GRM5: variants seen among roughly 807,000 people sequenced by gnomAD.
GRM5 encodes the protein glutamate metabotropic receptor 5, also known as metabotropic glutamate receptor 5.
A neutral mutation model predicts 83.1 loss-of-function variants in GRM5; 19 were observed. The ratio of observed to expected loss-of-function variants is 0.23; its 90% CI spans 0.16 to 0.34. The LOEUF (loss-of-function observed/expected upper bound fraction) is 0.34. GRM5 is among the 10% of genes least tolerant of loss of function. GRM5 has a pLI of 1.00. For missense variants in GRM5, 1,160 were observed against 1,588.3 expected (o/e 0.73, Z 4.58); for synonymous variants, 675 against 633.6 (o/e 1.07, Z -0.98).
intron 3 of GRM5, among the ~76,000 whole-genome samples, chr11:88,737,484 A>G (rs770093378): frequency 2.0e-5 from 3 of 152,054 alleles, no homozygotes; most frequent in African/African-American, 4.8e-5. Flanking sequence ...TTTACAGGTA[A>G]TTTCTTGCTT....
chr11:88,509,703 G>T lies in GRM5; in HGVS notation c.2727-199C>A, dbSNP rs1035410658. Reference sequence around the variant, plus strand: ...CTTTGCTTGTTTTGAGTTAAAGACTGCTTTCTATATCAGGGCTTCAGTTTA... The same window carrying T: ...CTTTGCTTGTTTTGAGTTAAAGACTTCTTTCTATATCAGGGCTTCAGTTTA... On this transcript the variant is annotated intron_variant, in intron 9 of 9. Coordinates refer to ENST00000305447, the MANE Select transcript of GRM5 (RefSeq NM_001143831.3). 3.9e-5 allele frequency among the ~76,000 whole-genome samples: 6 copies of T among 152,216 alleles called. No homozygotes were observed. The East Asian group carries it at 5.8e-4, about 15-fold the overall frequency.
intron 2 of GRM5, among the ~76,000 whole-genome samples, chr11:88,860,711 G>C (rs535218432): frequency 2.0e-5 from 3 of 152,300 alleles, no homozygotes; most frequent in East Asian, 3.9e-4. Context: ...AGGACTTGGT[G>C]TCTAAACAAA....
In GRM5 at chr11:89,065,141, C is replaced by T. The variant is rs189938234; in HGVS notation, c.-201+635G>A. 1.6e-3 allele frequency among the ~76,000 whole-genome samples: 246 copies of T among 151,776 alleles called. 3 individuals carry two copies. Among genetic ancestry groups the T allele is most frequent in the Middle Eastern group, 0.014 (4 of 294 alleles). On this transcript the variant is annotated intron_variant, in intron 1 of 9. Transcript: ENST00000305447. Reference sequence around the variant, plus strand: ...TTAGAAACGGAAACTGACATTTACACCCAGTCGGGTCCCTTCTTTGCTGCC... The same window carrying T: ...TTAGAAACGGAAACTGACATTTACATCCAGTCGGGTCCCTTCTTTGCTGCC...
At position 88,651,240 on chromosome 11, in the gene GRM5, C is replaced by T. The variant is rs146786280; in HGVS notation, c.1147+1928G>A. ...TCCAGGAAATAAAGAGTCAGAGAAA[C>T]AAATAACTATTTTCAAGAGGAGGCA... is the stretch of plus-strand genomic sequence containing the variant. On this transcript the variant is annotated intron_variant, in intron 4 of 9. Transcript: ENST00000305447. Among the ~76,000 whole-genome samples the T allele has an allele frequency of 6.8e-4, 104 of 151,966 alleles. No individual in the cohort carries two copies. In the Middle Eastern group the frequency reaches 0.014, roughly 20 times the overall value.
rs1941190087 is a variant in GRM5 at position 88,506,647 on chromosome 11, C to G, written c.*1945G>C. ...AGGTTCGATTTCTTTTAAATTAATA[C>G]TTTAGTACATTAATGTTAGCTTTTA... On this transcript the variant is annotated 3_prime_UTR_variant, in exon 10 of 10. Coordinates refer to ENST00000305447, the MANE Select transcript of GRM5 (RefSeq NM_001143831.3). 1 of 152,022 alleles carries G rather than the reference C, an allele frequency of 6.6e-6. No individual in the cohort carries two copies. Among genetic ancestry groups the G allele is most frequent in the Admixed American group, 6.6e-5 (1 of 15,266 alleles). The allele number at this position is 152,022 out of a possible 1,614,324, so 9.4% of individuals were successfully genotyped here.
At chr11:88,677,958 A>C (rs924538199) in intron 3 of GRM5, among the ~76,000 whole-genome samples, 2 of 152,298 alleles carry the variant, frequency 1.3e-5, no homozygotes, top group African/African-American at 4.8e-5. Flanking sequence ...AAAATGTTGA[A>C]ATTAATAGAT....
chr11:88,842,242 AG>A (rs1944217273), intron 3 of GRM5, among the ~76,000 whole-genome samples: 3 of 152,092 alleles, frequency 2.0e-5, no homozygotes, highest in Non-Finnish European at 4.4e-5. Context: ...TTTGTGTGTG[AG>A]TTTGTCCAAA....
chr11:88,893,817 G>A (rs1330423447), intron 2 of GRM5, among the ~76,000 whole-genome samples: 4 of 151,986 alleles, frequency 2.6e-5, no homozygotes, highest in Admixed American at 2.0e-4. Flanking sequence ...GCCAGAAAGA[G>A]TCATCATCCA....
At chr11:89,038,677 C>G (rs2135136875) in intron 2 of GRM5, among the ~76,000 whole-genome samples, 1 of 152,248 alleles carries the variant, frequency 6.6e-6, no homozygotes, top group African/African-American at 2.4e-5. Context: ...GATAAAAAGA[C>G]ACAAAAATAT....
At chr11:88,633,795 A>G (rs1043887097) in intron 4 of GRM5, among the ~76,000 whole-genome samples, 1 of 152,196 alleles carries the variant, frequency 6.6e-6, no homozygotes, top group Non-Finnish European at 1.5e-5. Context: ...TGCTGAGATT[A>G]TAAACACGAG....
rs371785884 is a variant in GRM5 at position 89,022,275 on chromosome 11, TC to T, written c.661+24936del. 9.5e-4 allele frequency among the ~76,000 whole-genome samples: 145 copies of T among 152,242 alleles called. 1 individual carries two copies. Among genetic ancestry groups the T allele is most frequent in the African/African-American group, 3.4e-3 (140 of 41,550 alleles). On this transcript the variant is annotated intron_variant, in intron 2 of 9. Transcript: ENST00000305447. Reference sequence around the variant, plus strand: ...TATTTTGATATTATAGAACTTTTACTCCATATTCATCATATACCAACTACTT... The same window carrying T: ...TATTTTGATATTATAGAACTTTTACTCATATTCATCATATACCAACTACTT...
At chr11:88,756,816 A>C (rs1176174997) in intron 3 of GRM5, among the ~76,000 whole-genome samples, 1 of 152,126 alleles carries the variant, frequency 6.6e-6, no homozygotes, top group Non-Finnish European at 1.5e-5. Flanking sequence ...AAGTAGGATA[A>C]CCTATGTACT....
chr11:88,885,966 A>C (rs1480432239), intron 2 of GRM5, among the ~76,000 whole-genome samples: 2 of 152,142 alleles, frequency 1.3e-5, no homozygotes, highest in Non-Finnish European at 2.9e-5. Context: ...GATGGTGCCG[A>C]TCAACTGGAA....
intron 2 of GRM5, among the ~76,000 whole-genome samples, chr11:88,901,192 T>C (rs1319291895): frequency 1.3e-5 from 2 of 152,122 alleles, no homozygotes; most frequent in African/African-American, 2.4e-5. Flanking sequence ...TTTTCTGGTA[T>C]GTCGGTTTCC....
chr11:88,606,620 T>G (rs1013890623), intron 4 of GRM5, among the ~76,000 whole-genome samples: 2 of 152,192 alleles, frequency 1.3e-5, no homozygotes, highest in South Asian at 2.1e-4. Context: ...CATGATCAGA[T>G]TTCTGTTTTA....
chr11:88,887,724 A>G (rs558225631), intron 2 of GRM5, among the ~76,000 whole-genome samples: 7 of 152,298 alleles, frequency 4.6e-5, no homozygotes, highest in South Asian at 2.1e-4. Context: ...CTCTTTCTAG[A>G]TGGGTACCAT....
intron 9 of GRM5, among the ~76,000 whole-genome samples, chr11:88,513,235 A>G (rs151153904): frequency 3.3e-5 from 5 of 152,294 alleles, no homozygotes; most frequent in African/African-American, 7.2e-5. Context: ...TTGATGGGAC[A>G]TTATGAAGGC....
intron 3 of GRM5, among the ~76,000 whole-genome samples, chr11:88,810,378 G>T (rs1590874788): frequency 6.6e-6 from 1 of 152,134 alleles, no homozygotes; most frequent in East Asian, 1.9e-4. Flanking sequence ...ATAAAACATG[G>T]GAATGAGTCC....
At chr11:88,656,557 T>C (rs115815731) in intron 3 of GRM5, among the ~76,000 whole-genome samples, 2,362 of 152,242 alleles carry the variant, frequency 0.016, 60 homozygotes, top group African/African-American at 0.053. Context: ...GTTTTCATAC[T>C]ACAAACTTAC....
Sources: allele counts gnomAD v4.1 joint callset (sites outside exome capture counted in the v4.1 genomes callset), GRCh38; gene constraint gnomAD v4.1.1; transcripts MANE v1.5; gene names NCBI Gene and HGNC (gene_info 2026-07-23, HGNC 2026-07-21).